MAN1A2: variants seen among roughly 807,000 people sequenced by gnomAD.
The protein encoded by MAN1A2 is mannosyl-oligosaccharide 1,2-alpha-mannosidase IB.
Under a neutral mutation model 75.7 loss-of-function variants are expected in MAN1A2, and 26 were observed. The ratio of observed to expected loss-of-function variants is 0.34; its 90% confidence interval spans 0.25 to 0.48. The LOEUF (loss-of-function observed/expected upper bound fraction) is 0.48. Among genes scored for constraint, MAN1A2 ranks in the 20% least tolerant of loss-of-function variants. The pLI, the probability that MAN1A2 is intolerant of heterozygous loss-of-function variation, is 0.99. For missense variants in MAN1A2, 562 were observed against 775.5 expected, an observed-to-expected ratio of 0.72 and a Z score of 3.27; for synonymous variants, 247 against 264.6, an observed-to-expected ratio of 0.93 and a Z score of 0.65.
At chr1:117,466,493 G>A in intron 8 of MAN1A2, 66 bp downstream of exon 8, 5 of 1,040,154 alleles carry the variant, frequency 4.8e-6, no homozygotes, top group Non-Finnish European at 7.0e-6. Flanking sequence ...TTTGCTTGAT[G>A]TTGTAAAAAG....
rs911862883 is a variant in MAN1A2, at chr1:117,466,416, G to T, written c.1157G>T (p.Arg386Leu). ...AATTATTTGAACCCCAGAACAGGGC[G>T]CTGGGGTCAGTGTAAGTATTCTAGT... ...YPNYLNPRTG[R>L]WGQYHTSVGG... The change falls in exon 8 of 13, where the codon CGC (arginine) becomes CTC (leucine). Residue 386 changes from arginine to leucine, a missense_variant. Arg to Leu is a moderately radical substitution (Grantham distance 102). Coordinates refer to ENST00000356554, the MANE Select transcript of MAN1A2 (RefSeq NM_006699.5). 2 of 1,600,472 alleles carry T rather than the reference G, an allele frequency of 1.2e-6. No homozygotes were observed. Among genetic ancestry groups the T allele is most frequent in the Non-Finnish European group, 1.7e-6 (2 of 1,171,640 alleles).
At chr1:117,390,394 T>C (rs1273816410) in intron 1 of MAN1A2, among the ~76,000 whole-genome samples, 3 of 151,942 alleles carry the variant, frequency 2.0e-5, no homozygotes, top group Non-Finnish European at 4.4e-5. Flanking sequence ...AATTATTGAA[T>C]TGTTGACATA....
At chr1:117,376,256 G>A (rs1033008917) in intron 1 of MAN1A2, among the ~76,000 whole-genome samples, 1 of 152,198 alleles carries the variant, frequency 6.6e-6, no homozygotes, top group Non-Finnish European at 1.5e-5. Context: ...TCTGGTATAA[G>A]GAAGATGGAT....
At chr1:117,465,069 C>G (rs1037451211) in intron 7 of MAN1A2, among the ~76,000 whole-genome samples, 8 of 151,918 alleles carry the variant, frequency 5.3e-5, no homozygotes, top group Non-Finnish European at 7.4e-5. Context: ...AACAGAGATA[C>G]AAGAGCTCAG....
intron 5 of MAN1A2, among the ~76,000 whole-genome samples, chr1:117,423,196 G>A (rs1395095851): frequency 1.3e-5 from 2 of 152,084 alleles, no homozygotes; most frequent in African/African-American, 4.8e-5. Context: ...AGTTGATTAG[G>A]TATGTGTGGG....
chr1:117,474,175 A>T (rs7525312), intron 8 of MAN1A2, among the ~76,000 whole-genome samples: 151,403 of 152,048 alleles, frequency 1, 75,384 homozygotes, highest in Non-Finnish European at 1. Context: ...CCTGACTGCA[A>T]AGGATCCAAA....
intron 3 of MAN1A2, among the ~76,000 whole-genome samples, chr1:117,413,549 C>T (rs1007231540): frequency 4.6e-5 from 7 of 151,888 alleles, no homozygotes; most frequent in Admixed American, 3.3e-4. Flanking sequence ...ATCACTACCT[C>T]GCTGGAGTCG....
intron 8 of MAN1A2, among the ~76,000 whole-genome samples, chr1:117,475,625 T>A (rs749569530): frequency 6.6e-6 from 1 of 152,142 alleles, no homozygotes; most frequent in Non-Finnish European, 1.5e-5. Flanking sequence ...TTTGGTTTTC[T>A]GTTTCTGTGT....
At chr1:117,467,453 A>G (rs925050877) in intron 8 of MAN1A2, among the ~76,000 whole-genome samples, 2 of 152,116 alleles carry the variant, frequency 1.3e-5, no homozygotes, top group African/African-American at 4.8e-5. Flanking sequence ...TATTTTATGA[A>G]AGGAAAGCAG....
chr1:117,426,979 A>G (rs1389895387), intron 5 of MAN1A2, among the ~76,000 whole-genome samples: 1 of 152,160 alleles, frequency 6.6e-6, no homozygotes, highest in African/African-American at 2.4e-5. Context: ...AGGCTGTCAT[A>G]GCTCTTGGAC....
intron 5 of MAN1A2, among the ~76,000 whole-genome samples, chr1:117,434,735 AGTTG>A (rs1204728112): frequency 3.4e-5 from 5 of 146,926 alleles, no homozygotes; most frequent in African/African-American, 1.3e-4. Flanking sequence ...ATAGACCAGT[AGTTG>A]GTTACAGCTG....
intron 12 of MAN1A2, among the ~76,000 whole-genome samples, chr1:117,504,884 T>A (rs994892305): frequency 3.1e-4 from 47 of 151,516 alleles, no homozygotes; most frequent in African/African-American, 1.1e-3. Context: ...AGCATGAACA[T>A]TATATGGATC....
chr1:117,368,523 C>T lies in MAN1A2; in HGVS notation c.302+38C>T, dbSNP rs1244637777. On this transcript the variant is annotated intron_variant, in intron 1 of 12. Coordinates refer to ENST00000356554, the MANE Select transcript of MAN1A2 (RefSeq NM_006699.5). ...CAGAAGTTCTGGTACTAACATTTGG[C>T]AGAGCAAGGTACGGTGATTGGATCG... 3.9e-6 allele frequency: 6 copies of T among 1,534,238 alleles called. No individual in the cohort carries two copies. In the South Asian group the frequency reaches 5.0e-5, roughly 13 times the overall value.
chr1:117,470,228 G>A (rs1299400413), intron 8 of MAN1A2, among the ~76,000 whole-genome samples: 3 of 152,078 alleles, frequency 2.0e-5, no homozygotes, highest in Non-Finnish European at 4.4e-5. Context: ...GACAAATATT[G>A]TATGATTCCA....
chr1:117,501,572 T>G (rs1237257321), intron 11 of MAN1A2, among the ~76,000 whole-genome samples: 1 of 151,796 alleles, frequency 6.6e-6, no homozygotes, highest in Non-Finnish European at 1.5e-5. Flanking sequence ...TTATTATTCT[T>G]AAACCATTTT....
rs80166308 is a variant in MAN1A2 at position 117,372,224 on chromosome 1, A to G, written c.302+3739A>G. ...TAAGAGGGGCTGGGTCACAGAGGAT[A>G]TATTGGCTTAGATCGCAGTGGTGAT... On this transcript the variant is annotated intron_variant, in intron 1 of 12. Transcript: ENST00000356554. Among the ~76,000 whole-genome samples the G allele has an allele frequency of 4.6e-3, 699 of 152,322 alleles. 7 individuals carry two copies. The highest frequency in any genetic ancestry group is 0.016 in the African/African-American group (666 of 41,568).
At chr1:117,500,340 C>T (rs1651162960) in intron 11 of MAN1A2, among the ~76,000 whole-genome samples, 1 of 151,904 alleles carries the variant, frequency 6.6e-6, no homozygotes, top group Admixed American at 6.6e-5. Flanking sequence ...AAGTTCTTTG[C>T]TTATCCAAAA....
At chr1:117,429,755 G>A (rs543331262) in intron 5 of MAN1A2, among the ~76,000 whole-genome samples, 10 of 110,630 alleles carry the variant, frequency 9.0e-5, no homozygotes, top group East Asian at 5.5e-4. Context: ...GGCCGGGCGG[G>A]GGGCTGACCC....
chr1:117,500,833 G>T (rs762615149), intron 11 of MAN1A2, among the ~76,000 whole-genome samples: 6 of 151,780 alleles, frequency 4.0e-5, no homozygotes, highest in Non-Finnish European at 8.8e-5. Flanking sequence ...TTTGGGAATA[G>T]AATACACACA....
Sources: gnomAD v4.1 joint callset for allele counts (sites outside exome capture counted in the v4.1 genomes callset) on GRCh38, gnomAD v4.1.1 for gene constraint, MANE v1.5 for transcripts, NCBI Gene and HGNC (gene_info 2026-07-23, HGNC 2026-07-21) for gene names.